SYNPR: variants seen among roughly 807,000 people sequenced by gnomAD.
SYNPR encodes the protein synaptoporin.
In SYNPR, 23 loss-of-function variants were observed where a neutral mutation model predicts 32.9. The observed-to-expected ratio is 0.70, with a 90% CI of 0.50 to 0.99. The LOEUF is 0.99. Among genes scored for constraint, SYNPR ranks in the 50% least tolerant of loss-of-function variants. The pLI is 0.00. For missense variants in SYNPR, 318 were observed against 349.3 expected, an observed-to-expected ratio of 0.91 and a Z score of 0.71; for synonymous variants, 146 against 135.9, an observed-to-expected ratio of 1.07 and a Z score of -0.52.
intron 2 of SYNPR, among the ~76,000 whole-genome samples, chr3:63,300,062 A>T (rs11130920): frequency 0.45 from 68,937 of 151,854 alleles, 15,833 homozygotes; most frequent in Middle Eastern, 0.52. Context: ...GGGATGTGTT[A>T]TTCACTATGG....
At chr3:63,406,449 T>C (rs2088360988) in intron 2 of SYNPR, among the ~76,000 whole-genome samples, 1 of 152,022 alleles carries the variant, frequency 6.6e-6, no homozygotes, top group Non-Finnish European at 1.5e-5. Flanking sequence ...CCAAGGACTC[T>C]AGGAAGTAGG....
At chr3:63,608,838 G>A (rs1700158841) in intron 4 of SYNPR, among the ~76,000 whole-genome samples, 1 of 152,126 alleles carries the variant, frequency 6.6e-6, no homozygotes, top group African/African-American at 2.4e-5. Context: ...ATTCCTTACA[G>A]GGATGTTGTA....
intron 4 of SYNPR, among the ~76,000 whole-genome samples, chr3:63,558,701 T>G (rs1702632916): frequency 6.6e-6 from 1 of 152,134 alleles, no homozygotes; most frequent in Non-Finnish European, 1.5e-5. Flanking sequence ...TGAAAAATTA[T>G]GCATTAATAA....
intron 2 of SYNPR, among the ~76,000 whole-genome samples, chr3:63,260,103 C>T (rs945097405): frequency 6.6e-6 from 1 of 152,188 alleles, no homozygotes; most frequent in Non-Finnish European, 1.5e-5. Context: ...ATTCCATGCT[C>T]ATGGGTAGGA....
chr3:63,523,342 G>A (rs138577242), intron 3 of SYNPR, among the ~76,000 whole-genome samples: 187 of 152,214 alleles, frequency 1.2e-3, no homozygotes, highest in Middle Eastern at 6.8e-3. Flanking sequence ...TTGGCTAAAG[G>A]GTAGCACTGG....
At chr3:63,367,509 C>T (rs1407268004) in intron 2 of SYNPR, among the ~76,000 whole-genome samples, 3 of 152,164 alleles carry the variant, frequency 2.0e-5, no homozygotes, top group Middle Eastern at 3.4e-3. Context: ...GGAACATGCA[C>T]CATGCCCAGC....
At chr3:63,593,757 C>T (rs1699881163) in intron 4 of SYNPR, among the ~76,000 whole-genome samples, 1 of 152,152 alleles carries the variant, frequency 6.6e-6, no homozygotes, top group Non-Finnish European at 1.5e-5. Context: ...TCAGCATCCA[C>T]TACATCTCTC....
intron 2 of SYNPR, among the ~76,000 whole-genome samples, chr3:63,382,402 C>T (rs1448858954): frequency 6.6e-6 from 1 of 152,220 alleles, no homozygotes; most frequent in East Asian, 1.9e-4. Flanking sequence ...CTGGGTTTCC[C>T]ACTTGACCTT....
intron 3 of SYNPR, among the ~76,000 whole-genome samples, chr3:63,482,002 C>G (rs1362089578): frequency 6.7e-6 from 1 of 149,842 alleles, no homozygotes; most frequent in Non-Finnish European, 1.5e-5. Context: ...CAGCAAGTCT[C>G]TAAACATTGA....
intron 3 of SYNPR, among the ~76,000 whole-genome samples, chr3:63,548,181 A>G (rs2106816211): frequency 6.6e-6 from 1 of 152,296 alleles, no homozygotes; most frequent in East Asian, 1.9e-4. Flanking sequence ...GAATGAATGA[A>G]TGACTTGAGC....
At chr3:63,284,794 T>C (rs1000504171) in intron 2 of SYNPR, among the ~76,000 whole-genome samples, 2 of 152,210 alleles carry the variant, frequency 1.3e-5, no homozygotes, top group Non-Finnish European at 2.9e-5. Context: ...TAGCCATCAT[T>C]TTAAACTCCT....
chr3:63,596,234 A>C (rs1575729784), intron 4 of SYNPR, among the ~76,000 whole-genome samples: 13 of 129,568 alleles, frequency 1.0e-4, no homozygotes, highest in South Asian at 2.5e-4. Flanking sequence ...CCCTCTCCTC[A>C]CTCTCCTCAT....
intron 2 of SYNPR, among the ~76,000 whole-genome samples, chr3:63,365,335 T>C (rs1214811448): frequency 1.3e-5 from 2 of 152,108 alleles, no homozygotes; most frequent in Non-Finnish European, 2.9e-5. Context: ...CAGGGTTCCA[T>C]AGGGATTCTT....
At chr3:63,429,841 G>T (rs79967534) in intron 2 of SYNPR, among the ~76,000 whole-genome samples, 1 of 152,008 alleles carries the variant, frequency 6.6e-6, no homozygotes. Context: ...GTTCCCATGG[G>T]GCTCTAAGTG....
the SYNPR span, among the ~76,000 whole-genome samples, chr3:63,209,888 G>A: frequency 3.3e-5 from 5 of 152,314 alleles, no homozygotes; most frequent in South Asian, 8.3e-4. Context: ...AAACATGGAA[G>A]GTGTTGGTCT....
At chr3:63,415,109 A>G (rs976657195) in intron 2 of SYNPR, among the ~76,000 whole-genome samples, 2 of 152,352 alleles carry the variant, frequency 1.3e-5, no homozygotes, top group South Asian at 2.1e-4. Context: ...CTGAAAATAT[A>G]TTATTTATGA....
upstream of SYNPR, among the ~76,000 whole-genome samples, chr3:63,224,397 C>T (rs1376953895): frequency 6.6e-6 from 1 of 152,136 alleles, no homozygotes; most frequent in Non-Finnish European, 1.5e-5. Context: ...TTCTGTGAAA[C>T]CAGTCCCTGA....
At chr3:63,441,691 G>A (rs1056108710) in intron 2 of SYNPR, among the ~76,000 whole-genome samples, 1 of 152,154 alleles carries the variant, frequency 6.6e-6, no homozygotes, top group African/African-American at 2.4e-5. Context: ...TGGCCACAGG[G>A]GAGTGGGGAG....
intron 2 of SYNPR, among the ~76,000 whole-genome samples, chr3:63,264,929 G>GGC (rs961837751): frequency 2.6e-5 from 4 of 151,464 alleles, no homozygotes; most frequent in Admixed American, 6.6e-5. Context: ...AGAATCATGG[G>GGC]GGAGCCATGA....
Sources: allele counts gnomAD v4.1 joint callset (sites outside exome capture counted in the v4.1 genomes callset), GRCh38; gene constraint gnomAD v4.1.1; transcripts MANE v1.5; gene names NCBI Gene and HGNC (gene_info 2026-07-23, HGNC 2026-07-21).